Variants in CRPPA observed in about 807,000 individuals in gnomAD.
The protein encoded by CRPPA is D-ribitol-5-phosphate cytidylyltransferase.
CRPPA carries 43 observed loss-of-function variants against 52.0 expected under a neutral mutation model. The observed-to-expected ratio is 0.83, with a 90% CI of 0.65 to 1.07. CRPPA has a LOEUF of 1.07. Ranked by LOEUF, CRPPA falls within the 50% of genes least tolerant of loss-of-function variation. The pLI is 0.00. For synonymous variants in CRPPA, 250 were observed against 203.5 expected (o/e 1.23, Z -1.94); for missense variants, 629 against 551.7 (o/e 1.14, Z -1.40).
At chr7:16,385,447 T>C (rs1336283843) in intron 2 of CRPPA, among the ~76,000 whole-genome samples, 1 of 152,136 alleles carries the variant, frequency 6.6e-6, no homozygotes, top group African/African-American at 2.4e-5. Context: ...TATTAACAAG[T>C]GACTTATCAG....
chr7:16,241,947 T>TTTTTA, intron 8 of CRPPA, among the ~76,000 whole-genome samples: 1 of 30,160 alleles, frequency 3.3e-5, no homozygotes, highest in East Asian at 7.7e-4. Flanking sequence ...AAATCTATTC[T>TTTTTA]TTTTTTTTTT....
intron 4 of CRPPA, among the ~76,000 whole-genome samples, chr7:16,302,328 C>A (rs1229669693): frequency 7.1e-6 from 1 of 140,292 alleles, no homozygotes; most frequent in Admixed American, 7.2e-5. Flanking sequence ...AAAATGCAAC[C>A]TCCTCATAAT....
At chr7:16,180,602 G>T (rs1378855355) in intron 9 of CRPPA, among the ~76,000 whole-genome samples, 2 of 151,904 alleles carry the variant, frequency 1.3e-5, no homozygotes, top group African/African-American at 4.8e-5. Flanking sequence ...TCATACAATG[G>T]AATATATTCA....
intron 9 of CRPPA, among the ~76,000 whole-genome samples, chr7:16,110,512 T>C (rs1372288674): frequency 2.0e-5 from 3 of 152,068 alleles, no homozygotes; most frequent in East Asian, 1.9e-4. Context: ...CAATACCTGA[T>C]TTCAAACTAT....
At chr7:16,175,586 C>A (rs1781277718) in intron 9 of CRPPA, among the ~76,000 whole-genome samples, 1 of 152,124 alleles carries the variant, frequency 6.6e-6, no homozygotes, top group East Asian at 1.9e-4. Context: ...CAATTTGTTT[C>A]TGCACAGAAT....
chr7:16,325,612 C>T (rs1351139163), intron 3 of CRPPA, among the ~76,000 whole-genome samples: 2 of 151,984 alleles, frequency 1.3e-5, no homozygotes. Context: ...GTAAATGTGC[C>T]AAAGTACCAA....
intron 3 of CRPPA, among the ~76,000 whole-genome samples, chr7:16,363,506 T>A (rs1429453647): frequency 3.9e-5 from 6 of 152,110 alleles, no homozygotes; most frequent in Non-Finnish European, 7.4e-5. Context: ...TAGCTACATG[T>A]AGGAAAAGAA....
intron 6 of CRPPA, among the ~76,000 whole-genome samples, chr7:16,274,190 C>T (rs1201692112): frequency 1.3e-5 from 2 of 152,160 alleles, no homozygotes; most frequent in African/African-American, 4.8e-5. Flanking sequence ...GCTGGGACTA[C>T]AGATGCCCAC....
chr7:16,240,387 A>G (rs1338943890), intron 8 of CRPPA, among the ~76,000 whole-genome samples: 1 of 151,982 alleles, frequency 6.6e-6, no homozygotes, highest in Admixed American at 6.6e-5. Flanking sequence ...TACAACTATG[A>G]AAGAGAAAAT....
intron 3 of CRPPA, among the ~76,000 whole-genome samples, chr7:16,324,651 C>T (rs148098117): frequency 6.6e-6 from 1 of 152,156 alleles, no homozygotes; most frequent in Non-Finnish European, 1.5e-5. Context: ...ACATTACCAT[C>T]AACAAGGTCT....
chr7:16,097,312 A>G (rs964598699), intron 9 of CRPPA, among the ~76,000 whole-genome samples: 1 of 152,182 alleles, frequency 6.6e-6, no homozygotes, highest in Non-Finnish European at 1.5e-5. Context: ...AAAGAGTTTC[A>G]TAATAGCTGT....
At chr7:16,096,473 A>G (rs1475290966) in intron 9 of CRPPA, among the ~76,000 whole-genome samples, 2 of 152,230 alleles carry the variant, frequency 1.3e-5, no homozygotes, top group Non-Finnish European at 2.9e-5. Flanking sequence ...TTTTACAATT[A>G]TAAAATGCTT....
chr7:16,165,223 C>G (rs1424765573), intron 9 of CRPPA, among the ~76,000 whole-genome samples: 1 of 56,442 alleles, frequency 1.8e-5, no homozygotes, highest in Non-Finnish European at 5.2e-5. Context: ...CAACCTCCTC[C>G]AAGAAAAAAA....
rs534162218 is a variant in CRPPA, at chr7:16,369,251, C to T, written c.684+6841G>A. ...CACTAAAGATTTCACATGAAAGGGT[C>T]GTGACTGATTTGAGCAAGCAGGGGG... On this transcript the variant is annotated intron_variant, in intron 3 of 9. Coordinates refer to ENST00000407010, the MANE Select transcript of CRPPA (RefSeq NM_001101426.4). Among the ~76,000 whole-genome samples the T allele has an allele frequency of 2.0e-5, 3 of 152,266 alleles. No homozygotes were observed. The East Asian group carries it at 5.8e-4, about 29-fold the overall frequency.
At chr7:16,320,746 T>G (rs1785246610) in intron 3 of CRPPA, among the ~76,000 whole-genome samples, 1 of 152,190 alleles carries the variant, frequency 6.6e-6, no homozygotes, top group African/African-American at 2.4e-5. Context: ...ATTTATCACC[T>G]AAAACTCAAA....
intron 2 of CRPPA, among the ~76,000 whole-genome samples, chr7:16,378,733 TAA>T (rs1215929216): frequency 6.6e-6 from 1 of 151,216 alleles, no homozygotes; most frequent in Non-Finnish European, 1.5e-5. Context: ...ACCAACAGTG[TAA>T]AAGTGTTCCT....
At chr7:16,400,615 C>G (rs1382563357) in intron 2 of CRPPA, among the ~76,000 whole-genome samples, 2 of 152,200 alleles carry the variant, frequency 1.3e-5, no homozygotes, top group Non-Finnish European at 2.9e-5. Context: ...ATCAACACAA[C>G]CGACATGATG....
intron 3 of CRPPA, among the ~76,000 whole-genome samples, chr7:16,311,790 G>A (rs1239837636): frequency 6.6e-6 from 1 of 152,118 alleles, no homozygotes; most frequent in African/African-American, 2.4e-5. Context: ...TAATGGTTGT[G>A]ACAGGTTGAA....
At chr7:16,399,818 T>C (rs1282744459) in intron 2 of CRPPA, among the ~76,000 whole-genome samples, 1 of 151,512 alleles carries the variant, frequency 6.6e-6, no homozygotes, top group East Asian at 2.0e-4. Context: ...CACTTGATCG[T>C]CACGTGATCA....
Sources: gnomAD v4.1 joint callset for allele counts (sites outside exome capture counted in the v4.1 genomes callset) on GRCh38, gnomAD v4.1.1 for gene constraint, MANE v1.5 for transcripts, NCBI Gene and HGNC (gene_info 2026-07-23, HGNC 2026-07-21) for gene names.